Variants in JAZF1 observed in about 807,000 individuals in gnomAD.
JAZF1 encodes the protein JAZF zinc finger 1.
JAZF1 carries 8 observed loss-of-function variants against 26.4 expected under a neutral mutation model. The ratio of observed to expected loss-of-function variants is 0.30; its 90% CI spans 0.18 to 0.55. The LOEUF is 0.55. Ranked by LOEUF, JAZF1 falls within the 20% of genes least tolerant of loss-of-function variation. The pLI is 0.94. For missense variants in JAZF1, 199 were observed against 322.0 expected (o/e 0.62, Z 2.92); for synonymous variants, 126 against 122.3 (o/e 1.03, Z -0.20).
At chr7:27,904,949 T>C (rs538602153) in intron 2 of JAZF1, among the ~76,000 whole-genome samples, 1 of 152,314 alleles carries the variant, frequency 6.6e-6, no homozygotes, top group South Asian at 2.1e-4. Flanking sequence ...TCCTTTTCTT[T>C]TTAAGACAGG....
At chr7:27,936,628 G>C (rs537521551) in intron 2 of JAZF1, among the ~76,000 whole-genome samples, 1 of 152,206 alleles carries the variant, frequency 6.6e-6, no homozygotes, top group Non-Finnish European at 1.5e-5. Context: ...AAGTATTCCT[G>C]AAAGAGTACA....
At chr7:27,964,059 T>C (rs4722749) in intron 2 of JAZF1, among the ~76,000 whole-genome samples, 143,757 of 152,272 alleles carry the variant, frequency 0.94, 67,976 homozygotes, top group East Asian at 1. Flanking sequence ...ACCCTCTTCC[T>C]CCAACATGTT....
chr7:28,018,604 C>T (rs898761977), intron 1 of JAZF1, among the ~76,000 whole-genome samples: 6 of 152,138 alleles, frequency 3.9e-5, no homozygotes, highest in Non-Finnish European at 8.8e-5. Flanking sequence ...CTATCCAGAA[C>T]CCATTATTAC....
chr7:28,053,304 G>A (rs752547576), intron 1 of JAZF1, among the ~76,000 whole-genome samples: 22 of 152,178 alleles, frequency 1.4e-4, no homozygotes, highest in Non-Finnish European at 2.9e-4. Context: ...ATCTCTTTGA[G>A]ACCCTGCTTT....
chr7:27,872,369 G>A (rs899223198), intron 3 of JAZF1, among the ~76,000 whole-genome samples: 1 of 152,202 alleles, frequency 6.6e-6, no homozygotes, highest in Non-Finnish European at 1.5e-5. Context: ...GAGTAAATAA[G>A]TAAATATATA....
At chr7:28,031,481 G>C (rs1346105098) in intron 1 of JAZF1, among the ~76,000 whole-genome samples, 21 of 152,206 alleles carry the variant, frequency 1.4e-4, no homozygotes, top group Admixed American at 1.4e-3. Context: ...AGGAAGCAGA[G>C]AGCAGGAGGA....
At chr7:28,083,556 C>T (rs936531796) in intron 1 of JAZF1, among the ~76,000 whole-genome samples, 1 of 152,134 alleles carries the variant, frequency 6.6e-6, no homozygotes, top group Non-Finnish European at 1.5e-5. Flanking sequence ...CAACCACTTA[C>T]TTCACAGGGT....
At chr7:27,963,264 C>T (rs1274036146) in intron 2 of JAZF1, among the ~76,000 whole-genome samples, 1 of 152,176 alleles carries the variant, frequency 6.6e-6, no homozygotes, top group Non-Finnish European at 1.5e-5. Context: ...AATCATGTTC[C>T]TCCATATCAC....
At chr7:27,933,210 A>C (rs1398047654) in intron 2 of JAZF1, among the ~76,000 whole-genome samples, 1 of 152,242 alleles carries the variant, frequency 6.6e-6, no homozygotes, top group African/African-American at 2.4e-5. Flanking sequence ...GACAACATTC[A>C]ATCTATATTC....
chr7:27,871,730 C>T lies in JAZF1; in HGVS notation c.385+23490G>A, dbSNP rs150816691. Among the ~76,000 whole-genome samples, 423 of 152,266 alleles carry T rather than the reference C, an allele frequency of 2.8e-3. 3 individuals carry two copies. The highest frequency in any genetic ancestry group is 9.6e-3 in the African/African-American group (397 of 41,568). ...AAAAGTGAAGGTTTAGAAAAACATGCTTCGAATGTTAATTATATGATGATC... is the reference window on the plus strand; with the variant it reads ...AAAAGTGAAGGTTTAGAAAAACATGTTTCGAATGTTAATTATATGATGATC... On this transcript the variant is annotated intron_variant, in intron 3 of 4. Transcript: ENST00000283928.
intron 1 of JAZF1, among the ~76,000 whole-genome samples, chr7:28,007,662 A>G (rs531113785): frequency 1.3e-5 from 2 of 152,302 alleles, no homozygotes; most frequent in East Asian, 1.9e-4. Flanking sequence ...CCTCATTGCC[A>G]TGGTGGCAGG....
At chr7:27,982,836 G>C (rs986303531) in intron 2 of JAZF1, among the ~76,000 whole-genome samples, 2 of 152,154 alleles carry the variant, frequency 1.3e-5, no homozygotes, top group African/African-American at 4.8e-5. Context: ...ACAGGGTCTG[G>C]AGAGGACCTC....
At chr7:27,974,871 G>A (rs966164200) in intron 2 of JAZF1, among the ~76,000 whole-genome samples, 3 of 137,196 alleles carry the variant, frequency 2.2e-5, no homozygotes, top group African/African-American at 8.6e-5. Context: ...CTTGGCTTCT[G>A]GGGAGGCCTT....
At chr7:28,176,963 C>T (rs892434292) in intron 1 of JAZF1, among the ~76,000 whole-genome samples, 4 of 152,014 alleles carry the variant, frequency 2.6e-5, no homozygotes, top group African/African-American at 9.7e-5. Flanking sequence ...AAGAATGTTT[C>T]TACAAACTCA....
intron 1 of JAZF1, among the ~76,000 whole-genome samples, chr7:28,147,168 G>A (rs1017402036): frequency 1.3e-5 from 2 of 151,398 alleles, no homozygotes; most frequent in African/African-American, 2.4e-5. Flanking sequence ...TTTTTTTGGC[G>A]TTTGGGATAT....
At chr7:27,949,035 G>A (rs751770578) in intron 2 of JAZF1, among the ~76,000 whole-genome samples, 2 of 152,166 alleles carry the variant, frequency 1.3e-5, no homozygotes, top group Non-Finnish European at 2.9e-5. Flanking sequence ...AGGCCCTGCT[G>A]TCAGCCACAC....
chr7:27,920,281 TAC>T (rs1490807237), intron 2 of JAZF1, among the ~76,000 whole-genome samples: 1 of 152,224 alleles, frequency 6.6e-6, no homozygotes, highest in African/African-American at 2.4e-5. Context: ...AGTAAATAAG[TAC>T]AGAGTGATCG....
At chr7:28,143,648 G>C (rs1190306005) in intron 1 of JAZF1, among the ~76,000 whole-genome samples, 1 of 152,212 alleles carries the variant, frequency 6.6e-6, no homozygotes, top group Non-Finnish European at 1.5e-5. Flanking sequence ...CAAAGAGACG[G>C]ATGGACCTAC....
At chr7:27,861,310 A>C (rs998993216) in intron 3 of JAZF1, among the ~76,000 whole-genome samples, 2 of 152,082 alleles carry the variant, frequency 1.3e-5, no homozygotes, top group East Asian at 3.9e-4. Context: ...TCTTTGAAAA[A>C]AATTTTTTTT....
Sources: gnomAD v4.1 joint callset for allele counts (sites outside exome capture counted in the v4.1 genomes callset) on GRCh38, gnomAD v4.1.1 for gene constraint, MANE v1.5 for transcripts, NCBI Gene and HGNC (gene_info 2026-07-23, HGNC 2026-07-21) for gene names.